Variants in MOB4 observed in about 807,000 individuals in gnomAD.
MOB4 encodes the protein MOB family member 4, phocein.
In MOB4, 4 loss-of-function variants were observed where a neutral mutation model predicts 32.2. The ratio of observed to expected loss-of-function variants is 0.12; its 90% CI spans 0.06 to 0.28. The LOEUF (loss-of-function observed/expected upper bound fraction) is 0.28, where lower values mean the gene tolerates loss of function less well. MOB4 is among the 10% of genes least tolerant of loss of function. The pLI is 1.00. For synonymous variants in MOB4, 88 were observed against 88.1 expected, an observed-to-expected ratio of 1.00 and a Z score of 0.01; for missense variants, 158 against 271.2, an observed-to-expected ratio of 0.58 and a Z score of 2.93.
chr2:197,547,174 C>T (rs1402319592), intron 5 of MOB4, among the ~76,000 whole-genome samples: 4 of 151,888 alleles, frequency 2.6e-5, no homozygotes, highest in African/African-American at 7.3e-5. Context: ...GTGTTCATGT[C>T]GTTGAGTAGG....
intron 2 of MOB4, among the ~76,000 whole-genome samples, chr2:197,526,228 G>A (rs2086609031): frequency 6.6e-6 from 1 of 152,176 alleles, no homozygotes; most frequent in African/African-American, 2.4e-5. Flanking sequence ...AGGTCATTCA[G>A]TGCTTTTTAG....
chr2:197,523,756 T>A, intron 2 of MOB4, 70 bp downstream of exon 2: 1 of 1,470,584 alleles, frequency 6.8e-7, no homozygotes, highest in South Asian at 1.3e-5. Context: ...TTGGGTGGCC[T>A]TTGTCTGTTG....
At chr2:197,535,397 C>G (rs1574641536) in intron 2 of MOB4, 133 bp from the exon 3 acceptor site, 1 of 678,366 alleles carries the variant, frequency 1.5e-6, no homozygotes, top group Non-Finnish European at 2.3e-6. Flanking sequence ...TGATTCTATA[C>G]TTGGTTTCCT....
chr2:197,517,304 A>G (rs1214086952), intron 1 of MOB4, among the ~76,000 whole-genome samples: 2 of 152,190 alleles, frequency 1.3e-5, no homozygotes, highest in Non-Finnish European at 2.9e-5. Flanking sequence ...AGAAAATTTT[A>G]AAGTCTTATT....
At chr2:197,544,528 C>T (rs1444895375) in intron 5 of MOB4, among the ~76,000 whole-genome samples, 35 of 152,050 alleles carry the variant, frequency 2.3e-4, no homozygotes, top group Non-Finnish European at 3.8e-4. Context: ...CCAAGGCGGG[C>T]GGATCACGAG....
chr2:197,516,392 C>G, intron 1 of MOB4: 1 of 1,405,650 alleles, frequency 7.1e-7, no homozygotes, highest in Non-Finnish European at 9.3e-7. Flanking sequence ...GCTGGTGGTA[C>G]CTGCCTGCCG....
chr2:197,542,757 A>G (rs963328281), intron 5 of MOB4, among the ~76,000 whole-genome samples: 1 of 152,212 alleles, frequency 6.6e-6, no homozygotes, highest in Admixed American at 6.6e-5. Flanking sequence ...GTATTTTGTA[A>G]CCTGCTATAT....
chr2:197,536,692 C>T lies in MOB4; in HGVS notation c.224+1062C>T, dbSNP rs189309144. On this transcript the variant is annotated intron_variant, in intron 3 of 7. Coordinates refer to ENST00000323303, the MANE Select transcript of MOB4 (RefSeq NM_015387.5). Reference sequence around the variant, plus strand: ...TCCCGGCTCACCACAACCTCTGCCTCCCGAGTTCAAGTGATTCTTCTGCCT... The same window carrying T: ...TCCCGGCTCACCACAACCTCTGCCTTCCGAGTTCAAGTGATTCTTCTGCCT... Among the ~76,000 whole-genome samples the T allele has an allele frequency of 1.8e-3, 270 of 150,626 alleles. 1 individual carries two copies. The highest frequency in any genetic ancestry group is 5.9e-3 in the African/African-American group (243 of 40,864).
chr2:197,517,756 A>G (rs984215758), intron 1 of MOB4, among the ~76,000 whole-genome samples: 2 of 152,190 alleles, frequency 1.3e-5, no homozygotes, highest in Admixed American at 6.5e-5. Flanking sequence ...TTATCACATG[A>G]ATTTCGTTTA....
At chr2:197,519,226 G>A (rs1343118540) in intron 1 of MOB4, among the ~76,000 whole-genome samples, 1 of 152,312 alleles carries the variant, frequency 6.6e-6, no homozygotes, top group East Asian at 1.9e-4. Context: ...ATGTTTGTTG[G>A]TTGAATTAGA....
intron 1 of MOB4, among the ~76,000 whole-genome samples, chr2:197,521,614 G>A (rs1245759696): frequency 2.0e-5 from 3 of 152,090 alleles, no homozygotes; most frequent in Non-Finnish European, 2.9e-5. Flanking sequence ...CATAGAAGAC[G>A]GCCATACCCA....
chr2:197,550,326 G>A lies in MOB4; in HGVS notation c.486G>A (p.Arg162=). The change falls in exon 7 of 8, where the codon AGG becomes AGA. Residue 162 remains arginine (R), a synonymous_variant. Coordinates refer to ENST00000323303, the MANE Select transcript of MOB4 (RefSeq NM_015387.5). The part of the protein sequence containing the change: ...SVAKLGSVCR[R]IYRIFSHAYF... ...CGAAACTAGGATCAGTATGCCGTAG[G>A]ATTTACAGAATATTTTCACATGCTT... is the stretch of plus-strand genomic sequence containing the variant. 3 of 1,613,814 alleles carry A rather than the reference G, an allele frequency of 1.9e-6. No homozygotes were observed. The highest frequency in any genetic ancestry group is 1.7e-6 in the Non-Finnish European group (2 of 1,179,964).
chr2:197,519,420 C>T (rs1335876384), intron 1 of MOB4, among the ~76,000 whole-genome samples: 4 of 152,178 alleles, frequency 2.6e-5, no homozygotes, highest in African/African-American at 9.6e-5. Context: ...TCTGAGGATG[C>T]TTAAGTTTCT....
At chr2:197,532,872 G>A (rs2086731158) in intron 2 of MOB4, among the ~76,000 whole-genome samples, 1 of 152,156 alleles carries the variant, frequency 6.6e-6, no homozygotes, top group African/African-American at 2.4e-5. Context: ...GCTGAGGCAG[G>A]TGGATCACTT....
At chr2:197,520,903 AAAAAAAAAAAAAAAG>A (rs2086504295) in intron 1 of MOB4, among the ~76,000 whole-genome samples, 1 of 148,448 alleles carries the variant, frequency 6.7e-6, no homozygotes, top group African/African-American at 2.6e-5. Context: ...TAAAAAAAAA[AAAAAAAAAAAAAAAG>A]AAGAAGAAAT....
At chr2:197,545,255 C>A (rs2086973768) in intron 5 of MOB4, among the ~76,000 whole-genome samples, 3 of 152,114 alleles carry the variant, frequency 2.0e-5, no homozygotes. Flanking sequence ...ACCACAGATA[C>A]CAAAGTCTCT....
At chr2:197,517,003 G>A (rs972802559) in intron 1 of MOB4, among the ~76,000 whole-genome samples, 1 of 152,236 alleles carries the variant, frequency 6.6e-6, no homozygotes, top group Admixed American at 6.5e-5. Context: ...CGGAAGAGAT[G>A]TGTTTATAAA....
At chr2:197,523,757 TTGTC>T in intron 2 of MOB4, 71 bp downstream of exon 2, 1 of 1,458,996 alleles carries the variant, frequency 6.9e-7, no homozygotes, top group East Asian at 2.4e-5. Flanking sequence ...TGGGTGGCCT[TTGTC>T]TGTTGGTCAC....
chr2:197,528,013 T>C (rs2106112910), intron 2 of MOB4, among the ~76,000 whole-genome samples: 1 of 152,344 alleles, frequency 6.6e-6, no homozygotes, highest in East Asian at 1.9e-4. Flanking sequence ...TATTTCTTTT[T>C]TCATGATTTG....
Sources: gnomAD v4.1 joint callset for allele counts (sites outside exome capture counted in the v4.1 genomes callset) on GRCh38, gnomAD v4.1.1 for gene constraint, MANE v1.5 for transcripts, NCBI Gene and HGNC (gene_info 2026-07-23, HGNC 2026-07-21) for gene names.